The following FAM171A1 variants were observed in gnomAD, a reference collection of about 807,000 sequenced individuals.
The protein encoded by FAM171A1 is protein FAM171A1.
A neutral mutation model predicts 74.9 loss-of-function variants in FAM171A1; 23 were observed. The observed-to-expected ratio is 0.31, with a 90% CI of 0.22 to 0.44. FAM171A1 has a LOEUF of 0.44. FAM171A1 is among the 20% of genes least tolerant of loss of function. The probability of loss-of-function intolerance (pLI) is 1.00; values close to 1 mark genes in which losing one functional copy is unlikely to be tolerated. For synonymous variants in FAM171A1, 527 were observed against 505.7 expected, an observed-to-expected ratio of 1.04 and a Z score of -0.57; for missense variants, 1,162 against 1,159.2, an observed-to-expected ratio of 1.00 and a Z score of -0.03.
intron 2 of FAM171A1, among the ~76,000 whole-genome samples, chr10:15,280,985 T>C (rs960516695): frequency 2.0e-5 from 3 of 152,174 alleles, no homozygotes; most frequent in African/African-American, 7.2e-5. Context: ...GTGTTGGAGG[T>C]AGGGCCTGAT....
intron 1 of FAM171A1, among the ~76,000 whole-genome samples, chr10:15,365,572 A>G (rs1351637742): frequency 1.3e-5 from 2 of 152,174 alleles, no homozygotes; most frequent in African/African-American, 2.4e-5. Flanking sequence ...GAAGTTCAAG[A>G]CCAGCTTGGC....
intron 5 of FAM171A1, chr10:15,237,619 T>C (rs1249923302): frequency 6.6e-6 from 1 of 152,184 alleles, no homozygotes; most frequent in Admixed American, 6.5e-5. Flanking sequence ...CCAACTGGCA[T>C]CTCCATGAAA....
intron 5 of FAM171A1, among the ~76,000 whole-genome samples, chr10:15,228,819 A>T (rs1206761787): frequency 6.6e-6 from 1 of 152,218 alleles, no homozygotes; most frequent in African/African-American, 2.4e-5. Flanking sequence ...CGCTGAGGAC[A>T]TGCTGAGGAT....
chr10:15,301,778 C>T (rs994529347), intron 1 of FAM171A1, among the ~76,000 whole-genome samples: 6 of 152,238 alleles, frequency 3.9e-5, no homozygotes, highest in East Asian at 1.9e-4. Context: ...TATCTCTGAC[C>T]GGGAAGTATC....
intron 5 of FAM171A1, among the ~76,000 whole-genome samples, chr10:15,222,575 C>G (rs1249782030): frequency 6.6e-6 from 1 of 152,242 alleles, no homozygotes; most frequent in Non-Finnish European, 1.5e-5. Context: ...TCCTGTGACT[C>G]ATGCCTGTAT....
intron 1 of FAM171A1, among the ~76,000 whole-genome samples, chr10:15,303,443 T>C (rs1588542959): frequency 6.6e-6 from 1 of 152,150 alleles, no homozygotes; most frequent in Non-Finnish European, 1.5e-5. Context: ...GTTTCTAGAA[T>C]GGTTCTTAGT....
intron 3 of FAM171A1, among the ~76,000 whole-genome samples, chr10:15,271,091 T>A (rs1291975005): frequency 6.6e-6 from 1 of 152,174 alleles, no homozygotes; most frequent in Non-Finnish European, 1.5e-5. Context: ...TTCTCTGAGC[T>A]AAAGGAAGAT....
chr10:15,321,529 G>C (rs567172602), intron 1 of FAM171A1, among the ~76,000 whole-genome samples: 6 of 152,262 alleles, frequency 3.9e-5, no homozygotes, highest in African/African-American at 1.2e-4. Flanking sequence ...CAGTCAAATA[G>C]TGGATTTCCA....
intron 1 of FAM171A1, among the ~76,000 whole-genome samples, chr10:15,322,354 G>A (rs534321542): frequency 6.6e-6 from 1 of 152,240 alleles, no homozygotes; most frequent in African/African-American, 2.4e-5. Flanking sequence ...TTTATGTTAA[G>A]TGTATTTTTA....
chr10:15,252,239 G>T (rs938049422), intron 4 of FAM171A1, among the ~76,000 whole-genome samples: 1 of 152,160 alleles, frequency 6.6e-6, no homozygotes, highest in African/African-American at 2.4e-5. Context: ...AAGAGAAGAT[G>T]CTTCTCCACT....
In FAM171A1 at chr10:15,214,327, T is replaced by C. The variant is rs1268264891; in HGVS notation, c.1261A>G (p.Thr421Ala). The change falls in exon 8 of 8, where the codon ACC becomes GCC. Residue 421 changes from threonine to alanine, a missense_variant. Coordinates refer to ENST00000378116, the MANE Select transcript of FAM171A1 (RefSeq NM_001010924.2). ...HTPMLKLSYS[T>A]SQEFSSREEL... Reference sequence around the variant, plus strand: ...TCCCGGGAGCTAAATTCCTGGGAGGTGCTGTAGGAGAGCTTGAGCATGGGG... The same window carrying C: ...TCCCGGGAGCTAAATTCCTGGGAGGCGCTGTAGGAGAGCTTGAGCATGGGG... 1 of 1,612,688 alleles carries C rather than the reference T, an allele frequency of 6.2e-7. No homozygotes were observed. The highest frequency in any genetic ancestry group is 8.5e-7 in the Non-Finnish European group (1 of 1,179,414).
At chr10:15,316,893 C>T (rs903597863) in intron 1 of FAM171A1, among the ~76,000 whole-genome samples, 1 of 152,156 alleles carries the variant, frequency 6.6e-6, no homozygotes, top group African/African-American at 2.4e-5. Context: ...GACAGACTCA[C>T]GCATTCTCCA....
chr10:15,350,146 C>T (rs532921341), intron 1 of FAM171A1, among the ~76,000 whole-genome samples: 2 of 152,154 alleles, frequency 1.3e-5, no homozygotes, highest in Non-Finnish European at 2.9e-5. Flanking sequence ...CAGCAACCCA[C>T]TGATAATTTT....
At chr10:15,337,727 T>C (rs1835720306) in intron 1 of FAM171A1, among the ~76,000 whole-genome samples, 1 of 152,102 alleles carries the variant, frequency 6.6e-6, no homozygotes, top group Non-Finnish European at 1.5e-5. Flanking sequence ...GGCGAGCGGA[T>C]CACTTGAGAT....
chr10:15,305,664 T>TAAAAGAAAAAAA (rs1835284351), intron 1 of FAM171A1, among the ~76,000 whole-genome samples: 1 of 52,938 alleles, frequency 1.9e-5, no homozygotes, highest in Non-Finnish European at 3.2e-5. Flanking sequence ...GAGATCTGGC[T>TAAAAGAAAAAAA]AAAAAAAAAA....
intron 3 of FAM171A1, among the ~76,000 whole-genome samples, chr10:15,257,578 T>C (rs1834596768): frequency 6.6e-6 from 1 of 152,268 alleles, no homozygotes; most frequent in South Asian, 2.1e-4. Context: ...ATCCAGGGTC[T>C]ATCTGCTGGG....
chr10:15,291,407 G>A (rs1007715510), intron 1 of FAM171A1, among the ~76,000 whole-genome samples: 1 of 152,032 alleles, frequency 6.6e-6, no homozygotes, highest in Non-Finnish European at 1.5e-5. Context: ...TTTAAAAATC[G>A]AGCTCCTTGG....
intron 1 of FAM171A1, among the ~76,000 whole-genome samples, chr10:15,347,182 G>T (rs1835826082): frequency 6.6e-6 from 1 of 152,162 alleles, no homozygotes; most frequent in Admixed American, 6.5e-5. Context: ...TATTCAAGAT[G>T]CCATTTGCAC....
intron 1 of FAM171A1, among the ~76,000 whole-genome samples, chr10:15,313,422 T>C (rs1381723202): frequency 6.6e-6 from 1 of 152,252 alleles, no homozygotes; most frequent in East Asian, 1.9e-4. Flanking sequence ...TCTGTCCTCG[T>C]GGTCTTAACT....
Sources: allele counts gnomAD v4.1 joint callset (sites outside exome capture counted in the v4.1 genomes callset), GRCh38; gene constraint gnomAD v4.1.1; transcripts MANE v1.5; gene names NCBI Gene and HGNC (gene_info 2026-07-23, HGNC 2026-07-21).